Variants in GLIS3 observed in about 807,000 individuals in gnomAD.
The protein encoded by GLIS3 is zinc finger protein GLIS3.
GLIS3 carries 53 observed loss-of-function variants against 78.6 expected under a neutral mutation model. The observed-to-expected ratio is 0.67, with a 90% CI of 0.54 to 0.85. GLIS3 has a LOEUF of 0.85. Ranked by LOEUF, GLIS3 falls within the 40% of genes least tolerant of loss-of-function variation. GLIS3 has a pLI of 0.00. For missense variants in GLIS3, 1,703 were observed against 1,231.1 expected (o/e 1.38, Z -5.74); for synonymous variants, 684 against 509.9 (o/e 1.34, Z -4.60).
At chr9:4,253,194 C>T (rs1338601809) in intron 2 of GLIS3, among the ~76,000 whole-genome samples, 2 of 152,232 alleles carry the variant, frequency 1.3e-5, no homozygotes, top group Non-Finnish European at 2.9e-5. Context: ...ACGTTTAAGT[C>T]TGCTGAAGCT....
intron 1 of GLIS3, among the ~76,000 whole-genome samples, chr9:4,292,103 C>T (rs1816030753): frequency 6.6e-6 from 1 of 152,120 alleles, no homozygotes; most frequent in South Asian, 2.1e-4. Flanking sequence ...TCAGAAAGTA[C>T]CATGCCTTGG....
chr9:4,231,311 G>A (rs1448345357), intron 2 of GLIS3, among the ~76,000 whole-genome samples: 1 of 152,138 alleles, frequency 6.6e-6, no homozygotes, highest in African/African-American at 2.4e-5. Context: ...TGAAGATAAT[G>A]GCAAGGAGCT....
intron 2 of GLIS3, among the ~76,000 whole-genome samples, chr9:4,334,098 A>G (rs1221392419): frequency 6.6e-6 from 1 of 152,200 alleles, no homozygotes; most frequent in Non-Finnish European, 1.5e-5. Flanking sequence ...ATCAAGACAA[A>G]CAGTTACAGC....
intron 2 of GLIS3, among the ~76,000 whole-genome samples, chr9:4,217,104 C>G (rs1392335672): frequency 6.6e-6 from 1 of 152,048 alleles, no homozygotes; most frequent in Non-Finnish European, 1.5e-5. Flanking sequence ...TCTCCCATGC[C>G]CAAGGAACAA....
At position 4,178,244 on chromosome 9, in the gene GLIS3, C is replaced by A. The variant is rs528564987; in HGVS notation, c.389-52303G>T. Among the ~76,000 whole-genome samples, 49 of 151,992 alleles carry A rather than the reference C, an allele frequency of 3.2e-4. No homozygotes were observed. In the East Asian group the frequency reaches 5.8e-3, roughly 18 times the overall value. ...TTGCTGAGTAAGACAGCCCTGCCCC[C>A]AAAATTTCTGCCCCCACAATTTACT... On this transcript the variant is annotated intron_variant, in intron 2 of 10. Coordinates refer to ENST00000381971, the MANE Select transcript of GLIS3 (RefSeq NM_001042413.2).
intron 2 of GLIS3, among the ~76,000 whole-genome samples, chr9:4,181,151 G>C (rs1817288543): frequency 1.3e-5 from 2 of 152,228 alleles, no homozygotes; most frequent in African/African-American, 4.8e-5. Flanking sequence ...AATGAGAAGG[G>C]CTTCAGGCAT....
chr9:4,422,758 A>C, the GLIS3 span, among the ~76,000 whole-genome samples: 5 of 152,218 alleles, frequency 3.3e-5, no homozygotes, highest in Admixed American at 2.6e-4. Context: ...AAAGTCAGGG[A>C]GTGCTGGGGG....
chr9:4,030,019 C>T (rs1447054718), intron 4 of GLIS3, among the ~76,000 whole-genome samples: 2 of 152,166 alleles, frequency 1.3e-5, no homozygotes, highest in Non-Finnish European at 2.9e-5. Flanking sequence ...GAGGAATCTC[C>T]AAACTGTTCT....
intron 2 of GLIS3, among the ~76,000 whole-genome samples, chr9:4,188,872 T>C (rs1238001731): frequency 1.3e-5 from 2 of 152,212 alleles, no homozygotes; most frequent in Non-Finnish European, 2.9e-5. Context: ...TTGCATCTAT[T>C]TCACTCTTCT....
chr9:4,194,715 C>T (rs1818648743), intron 2 of GLIS3, among the ~76,000 whole-genome samples: 1 of 152,196 alleles, frequency 6.6e-6, no homozygotes, highest in South Asian at 2.1e-4. Flanking sequence ...AGCCCCAGTA[C>T]CTGAGAGAGG....
chr9:4,184,806 G>A (rs777378932), intron 2 of GLIS3, among the ~76,000 whole-genome samples: 1 of 152,174 alleles, frequency 6.6e-6, no homozygotes, highest in Non-Finnish European at 1.5e-5. Context: ...TGGGGTGGAG[G>A]AGGGAGTGAA....
chr9:3,969,510 AC>A (rs1284379359), intron 4 of GLIS3, among the ~76,000 whole-genome samples: 4 of 152,228 alleles, frequency 2.6e-5, no homozygotes, highest in Admixed American at 6.5e-5. Flanking sequence ...CAGAACTGAT[AC>A]GAAGTAATCA....
chr9:4,324,945 G>A (rs1029153859), intron 2 of GLIS3, among the ~76,000 whole-genome samples: 1 of 152,196 alleles, frequency 6.6e-6, no homozygotes, highest in Non-Finnish European at 1.5e-5. Flanking sequence ...CATTTACTGA[G>A]AACTTACTGT....
the GLIS3 span, among the ~76,000 whole-genome samples, chr9:4,373,100 T>C: frequency 6.6e-6 from 1 of 152,238 alleles, no homozygotes; most frequent in Non-Finnish European, 1.5e-5. Context: ...GGCTTCCCTG[T>C]TTCCTAAGTT....
At chr9:4,393,557 G>T in the GLIS3 span, among the ~76,000 whole-genome samples, 1 of 152,020 alleles carries the variant, frequency 6.6e-6, no homozygotes, top group Non-Finnish European at 1.5e-5. Flanking sequence ...GTCATGTTTT[G>T]TTAGTCCCCT....
At chr9:3,888,132 A>T (rs1431523040) in intron 7 of GLIS3, among the ~76,000 whole-genome samples, 1 of 152,168 alleles carries the variant, frequency 6.6e-6, no homozygotes, top group Admixed American at 6.5e-5. Context: ...GAAGGCAGAA[A>T]AAAAGGAGAA....
chr9:3,942,691 G>C (rs1014736353), intron 4 of GLIS3, among the ~76,000 whole-genome samples: 1 of 152,184 alleles, frequency 6.6e-6, no homozygotes, highest in Admixed American at 6.5e-5. Context: ...TAGGAGACTC[G>C]TTAAAACACA....
intron 4 of GLIS3, among the ~76,000 whole-genome samples, chr9:4,025,533 A>G (rs548380771): frequency 7.2e-5 from 11 of 151,824 alleles, no homozygotes; most frequent in East Asian, 2.0e-4. Flanking sequence ...GATTACAGGC[A>G]CCCACCACCA....
intron 9 of GLIS3, among the ~76,000 whole-genome samples, chr9:3,843,554 G>C (rs545028459): frequency 6.6e-6 from 1 of 152,276 alleles, no homozygotes; most frequent in East Asian, 1.9e-4. Context: ...GCCTGCCTTT[G>C]TATCTTGTCA....
Sources: allele counts gnomAD v4.1 joint callset (sites outside exome capture counted in the v4.1 genomes callset), GRCh38; gene constraint gnomAD v4.1.1; transcripts MANE v1.5; gene names NCBI Gene and HGNC (gene_info 2026-07-23, HGNC 2026-07-21).